The following PRR16 variants were observed in gnomAD, a reference collection of about 807,000 sequenced individuals.
PRR16 encodes proline rich 16, also known as protein Largen.
Under a neutral mutation model 18.2 loss-of-function variants are expected in PRR16, and 6 were observed. The ratio of observed to expected loss-of-function variants is 0.33; its 90% CI spans 0.18 to 0.65. The LOEUF (loss-of-function observed/expected upper bound fraction) is 0.65. Among genes scored for constraint, PRR16 ranks in the 30% least tolerant of loss-of-function variants. PRR16 has a pLI of 0.74. For synonymous variants in PRR16, 151 were observed against 147.8 expected (o/e 1.02, Z -0.16); for missense variants, 412 against 376.6 (o/e 1.09, Z -0.78).
At chr5:120,761,951 T>C in the PRR16 span, among the ~76,000 whole-genome samples, 7 of 152,230 alleles carry the variant, frequency 4.6e-5, no homozygotes, top group African/African-American at 1.7e-4. Context: ...TTACCTCCCA[T>C]ATATGAGCGA....
the PRR16 span, among the ~76,000 whole-genome samples, chr5:120,697,098 A>G: frequency 8.7e-3 from 1,324 of 152,320 alleles, 17 homozygotes; most frequent in African/African-American, 0.031. Context: ...AAATTTGAAG[A>G]TATTCTCTAC....
At chr5:120,619,585 C>G (rs1194930642) in intron 1 of PRR16, among the ~76,000 whole-genome samples, 1 of 151,872 alleles carries the variant, frequency 6.6e-6, no homozygotes, top group Non-Finnish European at 1.5e-5. Context: ...TACTAGCATA[C>G]TAATGAAAAT....
the PRR16 span, among the ~76,000 whole-genome samples, chr5:120,736,698 T>A: frequency 6.6e-6 from 1 of 152,060 alleles, no homozygotes; most frequent in Non-Finnish European, 1.5e-5. Context: ...TTTAACAATA[T>A]TAAGTCTTTC....
chr5:120,698,957 AT>A, the PRR16 span, among the ~76,000 whole-genome samples: 7 of 152,142 alleles, frequency 4.6e-5, no homozygotes, highest in African/African-American at 1.7e-4. Flanking sequence ...AAACTGAGGA[AT>A]TATGTCTGAC....
intron 1 of PRR16, among the ~76,000 whole-genome samples, chr5:120,615,687 C>T (rs1754488616): frequency 6.6e-6 from 1 of 151,984 alleles, no homozygotes; most frequent in Non-Finnish European, 1.5e-5. Context: ...TGCCTGCATA[C>T]TCTATTCATT....
intron 1 of PRR16, among the ~76,000 whole-genome samples, chr5:120,606,182 C>A (rs1754147974): frequency 6.6e-6 from 1 of 152,076 alleles, no homozygotes; most frequent in Non-Finnish European, 1.5e-5. Flanking sequence ...TGACATAATG[C>A]CATTTTCTGG....
intron 1 of PRR16, among the ~76,000 whole-genome samples, chr5:120,497,152 G>A (rs1186548685): frequency 6.0e-4 from 92 of 152,166 alleles, no homozygotes; most frequent in Non-Finnish European, 2.2e-4. Context: ...ATGTTTCACG[G>A]ACACTTAAGA....
chr5:120,541,185 C>T (rs1751903099), intron 1 of PRR16, among the ~76,000 whole-genome samples: 1 of 152,124 alleles, frequency 6.6e-6, no homozygotes, highest in Non-Finnish European at 1.5e-5. Flanking sequence ...CTCAGTCTGT[C>T]ATCCAGGTTG....
At chr5:120,732,337 C>A in the PRR16 span, among the ~76,000 whole-genome samples, 1 of 152,158 alleles carries the variant, frequency 6.6e-6, no homozygotes, top group African/African-American at 2.4e-5. Flanking sequence ...GACTTTTCCT[C>A]CATTTTTTTG....
intron 1 of PRR16, among the ~76,000 whole-genome samples, chr5:120,649,030 T>C (rs1473729070): frequency 6.6e-6 from 1 of 152,128 alleles, no homozygotes; most frequent in Non-Finnish European, 1.5e-5. Context: ...TGAGTTTATA[T>C]AGTTTAATTT....
In PRR16 at chr5:120,617,005, A is replaced by G. The variant is rs147170906; in HGVS notation, c.160-68949A>G. 1,843 of 521,354 alleles carry G rather than the reference A, an allele frequency of 3.5e-3. 4 individuals are homozygous for G. The highest frequency in any genetic ancestry group is 4.1e-3 in the Non-Finnish European group (1,647 of 405,926). 32.3% of individuals were successfully genotyped at this position (521,354 alleles called of 1,614,324 possible). ...ATGACGAATGCCTCCCCATCCATTC[A>G]TAACCTCCTGCACCATGTCCAGTCC... On this transcript the variant is annotated intron_variant, in intron 1 of 1. Transcript: ENST00000407149.
At chr5:120,568,162 G>A (rs1340073263) in intron 1 of PRR16, among the ~76,000 whole-genome samples, 1 of 152,156 alleles carries the variant, frequency 6.6e-6, no homozygotes, top group Non-Finnish European at 1.5e-5. Flanking sequence ...CGGAAAAACG[G>A]ACACAGATGT....
chr5:120,548,599 A>G (rs954619020), intron 1 of PRR16, among the ~76,000 whole-genome samples: 1 of 152,034 alleles, frequency 6.6e-6, no homozygotes, highest in Admixed American at 6.6e-5. Flanking sequence ...GAGTAACTTC[A>G]GTTTTAAGGG....
At chr5:120,652,982 CAG>C (rs1755842583) in intron 1 of PRR16, among the ~76,000 whole-genome samples, 1 of 151,986 alleles carries the variant, frequency 6.6e-6, no homozygotes, top group African/African-American at 2.4e-5. Context: ...TTTAAAATAA[CAG>C]TGCAGATATA....
At chr5:120,747,984 A>C in the PRR16 span, among the ~76,000 whole-genome samples, 1 of 152,098 alleles carries the variant, frequency 6.6e-6, no homozygotes, top group African/African-American at 2.4e-5. Flanking sequence ...AAAGTATGTC[A>C]TTTACGAATC....
At chr5:120,715,521 T>A in the PRR16 span, among the ~76,000 whole-genome samples, 4 of 152,230 alleles carry the variant, frequency 2.6e-5, no homozygotes, top group Non-Finnish European at 5.9e-5. Flanking sequence ...TATGTATTAC[T>A]ATGATCTCTA....
chr5:120,535,238 T>C (rs1051202807), intron 1 of PRR16, among the ~76,000 whole-genome samples: 1 of 152,142 alleles, frequency 6.6e-6, no homozygotes, highest in Non-Finnish European at 1.5e-5. Context: ...TTGTAAGATA[T>C]TTTTAAAAAA....
At chr5:120,709,241 T>C in the PRR16 span, among the ~76,000 whole-genome samples, 246 of 152,058 alleles carry the variant, frequency 1.6e-3, 3 homozygotes, top group African/African-American at 5.5e-3. Flanking sequence ...TCTCCTGACC[T>C]CGTGATCTGC....
At chr5:120,651,889 G>T (rs1461195640) in intron 1 of PRR16, among the ~76,000 whole-genome samples, 1 of 151,936 alleles carries the variant, frequency 6.6e-6, no homozygotes, top group Non-Finnish European at 1.5e-5. Context: ...GCTTGATGGG[G>T]ATGGCATTGA....
Sources: gnomAD v4.1 joint callset for allele counts (sites outside exome capture counted in the v4.1 genomes callset) on GRCh38, gnomAD v4.1.1 for gene constraint, MANE v1.5 for transcripts, NCBI Gene and HGNC (gene_info 2026-07-23, HGNC 2026-07-21) for gene names.